The following YY1AP1 variants were observed in gnomAD, a reference collection of about 807,000 sequenced individuals.
YY1AP1 encodes YY1-associated protein 1.
A neutral mutation model predicts 39.9 loss-of-function variants in YY1AP1; 43 were observed. The observed-to-expected ratio is 1.08, with a 90% CI of 0.84 to 1.39. YY1AP1 has a LOEUF of 1.39. Among genes scored for constraint, YY1AP1 ranks in the 40% most tolerant of loss-of-function variants. The pLI is 0.00. For synonymous variants in YY1AP1, 292 were observed against 331.3 expected (o/e 0.88, Z 1.29); for missense variants, 813 against 900.7 (o/e 0.90, Z 1.25).
chr1:155,681,814 A>C (rs952281599), intron 2 of YY1AP1, among the ~76,000 whole-genome samples: 3 of 152,024 alleles, frequency 2.0e-5, no homozygotes, highest in Non-Finnish European at 4.4e-5. Context: ...GTAACACGTA[A>C]GGATAAATTT....
chr1:155,665,491 C>G (rs1298060917), intron 9 of YY1AP1, among the ~76,000 whole-genome samples: 1 of 151,672 alleles, frequency 6.6e-6, no homozygotes, highest in African/African-American at 2.4e-5. Flanking sequence ...CCCAGCTACT[C>G]GGGAGGCTGA....
intron 9 of YY1AP1, among the ~76,000 whole-genome samples, chr1:155,664,815 G>C (rs774986978): frequency 1.9e-4 from 28 of 149,044 alleles, no homozygotes; most frequent in Non-Finnish European, 3.4e-4. Context: ...TGTCACCCAG[G>C]CTGGAGTGTA....
At chr1:155,681,272 C>T (rs990994249) in intron 2 of YY1AP1, among the ~76,000 whole-genome samples, 6 of 151,608 alleles carry the variant, frequency 4.0e-5, no homozygotes, top group African/African-American at 7.3e-5. Flanking sequence ...TCAGGTGATC[C>T]GCCCACCTCA....
intron 1 of YY1AP1, 21 bp from the exon 2 acceptor site, chr1:155,688,222 G>C (rs554355678): frequency 3.1e-6 from 5 of 1,613,428 alleles, no homozygotes; most frequent in Non-Finnish European, 8.5e-7. Context: ...TGCGAGAGAG[G>C]AGAAGGGAAA....
In YY1AP1 at chr1:155,688,224, G is replaced by A. The variant is rs72999042; in HGVS notation, c.-151-23C>T. ...CGACTGGCGGAAATGCGAGAGAGGAGAAGGGAAAGGTGGAGGGCTAAAGGG... is the reference window on the plus strand; with the variant it reads ...CGACTGGCGGAAATGCGAGAGAGGAAAAGGGAAAGGTGGAGGGCTAAAGGG... On this transcript the variant is annotated intron_variant, in intron 1 of 10. Transcript: ENST00000355499. The A allele has an allele frequency of 3.1e-4, 496 of 1,613,416 alleles. 1 individual carries two copies. The African/African-American group carries it at 6.1e-3, about 20-fold the overall frequency.
chr1:155,661,223 A>C, intron 10 of YY1AP1, 84 bp downstream of exon 10: 1 of 1,613,862 alleles, frequency 6.2e-7, no homozygotes, highest in East Asian at 2.2e-5. Flanking sequence ...CTAAAGCATT[A>C]GACGATTAAG....
At chr1:155,674,628 A>ACCAGCCTGG (rs1205691006) in intron 6 of YY1AP1, 1 of 182,038 alleles carries the variant, frequency 5.5e-6, no homozygotes. Flanking sequence ...GGAATTCGAG[A>ACCAGCCTGG]CCAGCCTGGC....
intron 4 of YY1AP1, chr1:155,679,173 T>C: frequency 6.8e-7 from 1 of 1,469,198 alleles, no homozygotes; most frequent in Non-Finnish European, 9.1e-7. Context: ...GAAGTGGATA[T>C]GGATGCCAGC....
intron 7 of YY1AP1, chr1:155,670,675 C>CT (rs58881636): frequency 0.053 from 17,084 of 323,552 alleles, 1 homozygote; most frequent in South Asian, 0.084. Context: ...TAAAAGTTGA[C>CT]TTTTTTTTTT....
chr1:155,683,954 T>G (rs1377554047), intron 2 of YY1AP1, among the ~76,000 whole-genome samples: 1 of 151,948 alleles, frequency 6.6e-6, no homozygotes, highest in Non-Finnish European at 1.5e-5. Flanking sequence ...TTGATCTACA[T>G]AGCAAGACCT....
intron 3 of YY1AP1, 79 bp downstream of exon 3, chr1:155,680,337 C>A: frequency 6.6e-7 from 1 of 1,505,424 alleles, no homozygotes; most frequent in Non-Finnish European, 9.2e-7. Context: ...CTAGAAGGAG[C>A]ATCACAGAGA....
At chr1:155,665,088 T>G (rs891279793) in intron 9 of YY1AP1, among the ~76,000 whole-genome samples, 13 of 151,770 alleles carry the variant, frequency 8.6e-5, no homozygotes, top group Non-Finnish European at 1.6e-4. Context: ...GGTTTAAATG[T>G]GAAAATTCCC....
intron 6 of YY1AP1, among the ~76,000 whole-genome samples, chr1:155,674,307 TAAAACAAAAC>T (rs1049341046): frequency 7.9e-5 from 12 of 151,656 alleles, no homozygotes; most frequent in Non-Finnish European, 1.3e-4. Context: ...TTATTTAAAT[TAAAACAAAAC>T]AAAACAAAAA....
intron 5 of YY1AP1, among the ~76,000 whole-genome samples, chr1:155,676,221 CA>C (rs548708519): frequency 6.5e-5 from 8 of 123,400 alleles, no homozygotes; most frequent in African/African-American, 9.0e-5. Context: ...GACTACGTCT[CA>C]AAAAAAAAAG....
chr1:155,673,922 G>A (rs2149050013), intron 6 of YY1AP1, among the ~76,000 whole-genome samples: 1 of 152,120 alleles, frequency 6.6e-6, no homozygotes, highest in African/African-American at 2.4e-5. Context: ...AGCACTTTGG[G>A]AGGCCGAGGT....
intron 5 of YY1AP1, among the ~76,000 whole-genome samples, chr1:155,675,452 C>T (rs1401364254): frequency 5.3e-5 from 8 of 151,990 alleles, no homozygotes; most frequent in Non-Finnish European, 1.0e-4. Flanking sequence ...CTCAACCTCC[C>T]GAGTAGCTGG....
rs749889633 is a variant in YY1AP1, at chr1:155,675,041, T to C, written c.380A>G (p.Asn127Ser). The C allele has an allele frequency of 1.5e-5, 24 of 1,613,548 alleles. No homozygotes were observed. The highest frequency in any genetic ancestry group is 2.7e-5 in the African/African-American group (2 of 74,884). ...HLLATCNPNL[N>S]PEASSTRICL... ...TATCCTGGTGCTACTGGCCTCCGGA[T>C]TGAGATTGGGGTTGCAGGTGGCAAG... is the stretch of plus-strand genomic sequence containing the variant. The change falls in exon 6 of 11, where the codon AAT becomes AGT. Residue 127 changes from asparagine (N) to serine (S), a missense_variant. By Grantham distance (46) the Asn-to-Ser change is conservative. Transcript: ENST00000355499.
chr1:155,688,688 A>ACCTCCTCTTCTCTCCTCCC lies in YY1AP1; in HGVS notation c.-200_-182dup. On this transcript the variant is annotated 5_prime_UTR_variant, in exon 1 of 11. Coordinates refer to ENST00000355499, the MANE Select transcript of YY1AP1 (RefSeq NM_139119.3). ...AGCGGCGCGAGCCCAAGCCTTCTCC[A>ACCTCCTCTTCTCTCCTCCC]CCTCCTCTTCTCTCCTCCCCCTCCC... The ACCTCCTCTTCTCTCCTCCC allele has an allele frequency of 1.3e-6, 2 of 1,523,752 alleles. No individual in the cohort carries two copies. The highest frequency in any genetic ancestry group is 8.7e-7 in the Non-Finnish European group (1 of 1,143,296). The allele number at this position is 1,523,752 out of a possible 1,614,324, so 94.4% of individuals were successfully genotyped here.
Position 155,661,367 on chromosome 1 carries a change from C to G in YY1AP1, c.936G>C (p.Gln312His). 1 of 1,613,836 alleles carries G rather than the reference C, an allele frequency of 6.2e-7. No individual in the cohort carries two copies. The highest frequency in any genetic ancestry group is 1.3e-5 in the African/African-American group (1 of 75,002). The part of the protein sequence containing the change: ...PVLGKCCEEI[Q>H]PHQWKPPIER... ...CTATAGGTGGCTTCCACTGATGTGGCTGGATCTCTTCACAGCATTTTCCTA... is the reference window on the plus strand; with the variant it reads ...CTATAGGTGGCTTCCACTGATGTGGGTGGATCTCTTCACAGCATTTTCCTA... The change falls in exon 10 of 11, where the codon CAG becomes CAC. Residue 312 changes from glutamine (Q) to histidine (H), a missense_variant. Coordinates refer to ENST00000355499, the MANE Select transcript of YY1AP1 (RefSeq NM_139119.3).
Sources: gnomAD v4.1 joint callset for allele counts (sites outside exome capture counted in the v4.1 genomes callset) on GRCh38, gnomAD v4.1.1 for gene constraint, MANE v1.5 for transcripts, NCBI Gene and HGNC (gene_info 2026-07-23, HGNC 2026-07-21) for gene names.